The following SLC66A2 variants were observed in gnomAD, a reference collection of about 807,000 sequenced individuals.
The protein encoded by SLC66A2 is solute carrier family 66 member 2.
A neutral mutation model predicts 25.5 loss-of-function variants in SLC66A2; 23 were observed. The observed-to-expected ratio is 0.90, with a 90% CI of 0.65 to 1.28. The LOEUF is 1.28. Among genes scored for constraint, SLC66A2 ranks in the 50% most tolerant of loss-of-function variants. The pLI, the probability that SLC66A2 is intolerant of heterozygous loss-of-function variation, is 0.00. For synonymous variants in SLC66A2, 193 were observed against 166.5 expected (o/e 1.16, Z -1.23); for missense variants, 396 against 373.1 (o/e 1.06, Z -0.51).
At chr18:79,906,683 G>A (rs546676752) in intron 5 of SLC66A2, among the ~76,000 whole-genome samples, 9 of 152,236 alleles carry the variant, frequency 5.9e-5, no homozygotes, top group Non-Finnish European at 8.8e-5. Flanking sequence ...GAATGCGCAC[G>A]TTCACTTGGC....
At chr18:79,951,406 G>T (rs1195872595) in intron 1 of SLC66A2, among the ~76,000 whole-genome samples, 175 bp downstream of exon 1, 1 of 150,966 alleles carries the variant, frequency 6.6e-6, no homozygotes, top group Non-Finnish European at 1.5e-5. Context: ...CGGCTCGGGG[G>T]AAGGGGGCGC....
intron 5 of SLC66A2, among the ~76,000 whole-genome samples, chr18:79,914,225 A>G (rs377387372): frequency 6.6e-6 from 1 of 152,212 alleles, no homozygotes; most frequent in African/African-American, 2.4e-5. Context: ...TTTTTTGGGT[A>G]TCTGTTAAGT....
At position 79,904,244 on chromosome 18, in the gene SLC66A2, G is replaced by A; in HGVS notation, c.609-61C>T. 6.9e-7 allele frequency: 1 copy of A among 1,441,934 alleles called. No individual in the cohort carries two copies. Among genetic ancestry groups the A allele is most frequent in the Non-Finnish European group, 9.7e-7 (1 of 1,029,530 alleles). 89.3% of individuals were successfully genotyped at this position (1,441,934 alleles called of 1,614,324 possible). ...GGGCGGCGACCTGGGCTCAGTCAGT[G>A]GGGAGGCCTGGGGCTTAGACAGCGG... On this transcript the variant is annotated intron_variant, in intron 5 of 5. Transcript: ENST00000397778. The surrounding 1 kb of genome is among the most constrained non-coding windows in gnomAD (Gnocchi z 6.3).
chr18:79,923,938 G>A (rs1255503950), intron 4 of SLC66A2, among the ~76,000 whole-genome samples: 14 of 151,830 alleles, frequency 9.2e-5, no homozygotes, highest in Middle Eastern at 3.4e-3. Context: ...TTGGGAGGCC[G>A]AAGCAGGAGG....
chr18:79,950,170 C>A (rs145833147), intron 2 of SLC66A2, among the ~76,000 whole-genome samples: 1 of 151,944 alleles, frequency 6.6e-6, no homozygotes, highest in African/African-American at 2.4e-5. Context: ...AGTGAGACAA[C>A]CCCCCACTCC....
intron 5 of SLC66A2, among the ~76,000 whole-genome samples, chr18:79,905,194 C>G (rs1981912848): frequency 6.6e-6 from 1 of 152,258 alleles, no homozygotes. Context: ...TATCATTACA[C>G]CCACTGGGAA....
intron 4 of SLC66A2, among the ~76,000 whole-genome samples, chr18:79,932,666 A>C (rs1193632734): frequency 6.6e-6 from 1 of 152,178 alleles, no homozygotes; most frequent in East Asian, 1.9e-4. Context: ...ACAAAGGATT[A>C]TAAGGGAATA....
chr18:79,941,733 C>T lies in SLC66A2; in HGVS notation c.337+1596G>A, dbSNP rs1485006909. ...CTCACATTAAACCCCACGCTGGCTGCTCTGCCTGGACACTCACAACCTGCC... is the reference window on the plus strand; with the variant it reads ...CTCACATTAAACCCCACGCTGGCTGTTCTGCCTGGACACTCACAACCTGCC... On this transcript the variant is annotated intron_variant, in intron 3 of 5. Transcript: ENST00000397778. This position sits in a 1 kb window ranked among gnomAD's most constrained non-coding sequence, Gnocchi z 4.1. 1 of 152,484 alleles carries T rather than the reference C, an allele frequency of 6.6e-6. No homozygotes were observed. Among genetic ancestry groups the T allele is most frequent in the Non-Finnish European group, 1.5e-5 (1 of 68,266 alleles). 9.4% of individuals were successfully genotyped at this position (152,484 alleles called of 1,614,324 possible). A position where few individuals can be genotyped will look rare whatever the true frequency, so the allele number is the denominator to read the frequency against.
intron 5 of SLC66A2, among the ~76,000 whole-genome samples, chr18:79,908,970 C>G (rs1164497475): frequency 6.6e-6 from 1 of 152,244 alleles, no homozygotes; most frequent in Non-Finnish European, 1.5e-5. Context: ...TCTGATCTGT[C>G]AGCCTGAGTT....
chr18:79,942,117 A>T (rs1456326325), intron 3 of SLC66A2, among the ~76,000 whole-genome samples: 1 of 152,262 alleles, frequency 6.6e-6, no homozygotes, highest in African/African-American at 2.4e-5. Context: ...GCAGCTCCTC[A>T]TGCGGGGAAT....
chr18:79,944,608 T>C (rs1196944132), intron 2 of SLC66A2: 1 of 152,374 alleles, frequency 6.6e-6, no homozygotes, highest in Non-Finnish European at 1.5e-5. Flanking sequence ...GGGCTGTGTG[T>C]GGCACGCACT....
At chr18:79,948,343 C>T (rs980052122) in intron 2 of SLC66A2, among the ~76,000 whole-genome samples, 2 of 152,252 alleles carry the variant, frequency 1.3e-5, no homozygotes, top group South Asian at 2.1e-4. Flanking sequence ...CTTAGATGGA[C>T]ATTAGATAGA....
chr18:79,939,680 A>C (rs1180078446), intron 3 of SLC66A2, among the ~76,000 whole-genome samples: 1 of 152,232 alleles, frequency 6.6e-6, no homozygotes, highest in Non-Finnish European at 1.5e-5. Flanking sequence ...CCACAATGAG[A>C]TGCCGTCTCA....
chr18:79,950,732 T>C lies in SLC66A2; in HGVS notation c.195A>G (p.Ile65Met). The part of the protein sequence containing the change: ...LVLLVANILR[I>M]LFWFGRRFES... Reference sequence around the variant, plus strand: ...GCAAGCCCCCAACTTACCAGAAGAGTATCCGCAAAATGTTGGCCACCAGCA... The same window carrying C: ...GCAAGCCCCCAACTTACCAGAAGAGCATCCGCAAAATGTTGGCCACCAGCA... Residue 65 changes from isoleucine to methionine, a missense_variant, in exon 2 of 6, where the codon ATA becomes ATG. Transcript: ENST00000397778. 6.2e-7 allele frequency: 1 copy of C among 1,612,660 alleles called. No homozygotes were observed. Among genetic ancestry groups the C allele is most frequent in the Non-Finnish European group, 8.5e-7 (1 of 1,179,840 alleles).
At chr18:79,906,781 C>T (rs1982184728) in intron 5 of SLC66A2, among the ~76,000 whole-genome samples, 1 of 152,190 alleles carries the variant, frequency 6.6e-6, no homozygotes, top group African/African-American at 2.4e-5. Context: ...TCCCTAAGTG[C>T]AACTGGGGAT....
intron 3 of SLC66A2, among the ~76,000 whole-genome samples, chr18:79,938,145 CAAAA>C (rs61104575): frequency 7.4e-6 from 1 of 135,926 alleles, no homozygotes; most frequent in Non-Finnish European, 1.6e-5. Context: ...GACCCTGTCT[CAAAA>C]AAAAAAAAAA....
At chr18:79,931,546 G>C (rs1284793021) in intron 4 of SLC66A2, among the ~76,000 whole-genome samples, 1 of 152,210 alleles carries the variant, frequency 6.6e-6, no homozygotes, top group Non-Finnish European at 1.5e-5. Context: ...AATAGTTACA[G>C]ACTTCCACAC....
intron 5 of SLC66A2, among the ~76,000 whole-genome samples, chr18:79,909,791 C>CA (rs1214504426): frequency 2.3e-5 from 3 of 130,032 alleles, no homozygotes; most frequent in African/African-American, 9.0e-5. Flanking sequence ...AGTCCCCAAC[C>CA]TTCCCCACCA....
At chr18:79,936,447 C>T (rs1469436406) in intron 3 of SLC66A2, among the ~76,000 whole-genome samples, 5 of 152,146 alleles carry the variant, frequency 3.3e-5, no homozygotes, top group Non-Finnish European at 7.3e-5. Context: ...TTAGGATATC[C>T]ACAGTTGTGC....
Sources: gnomAD v4.1 joint callset for allele counts (sites outside exome capture counted in the v4.1 genomes callset) on GRCh38, gnomAD v4.1.1 for gene constraint, Gnocchi (gnomAD v3.1) non-coding constraint, MANE v1.5 for transcripts, NCBI Gene and HGNC (gene_info 2026-07-23, HGNC 2026-07-21) for gene names.